Variants in NLGN4X observed in about 807,000 individuals in gnomAD.
NLGN4X encodes the protein neuroligin 4 X-linked, also known as neuroligin-4, X-linked.
In NLGN4X, 3 loss-of-function variants were observed where a neutral mutation model predicts 40.3. The observed-to-expected ratio is 0.07, with a 90% CI of 0.03 to 0.19. The LOEUF is 0.19. Among genes scored for constraint, NLGN4X ranks in the 10% least tolerant of loss-of-function variants. NLGN4X has a pLI of 1.00. For missense variants in NLGN4X, 382 were observed against 708.3 expected, an observed-to-expected ratio of 0.54 and a Z score of 5.23; for synonymous variants, 270 against 306.8, an observed-to-expected ratio of 0.88 and a Z score of 1.25.
chrX:6,224,779 G>T (rs1926004441), intron 1 of NLGN4X, among the ~76,000 whole-genome samples: 1 of 107,352 alleles, frequency 9.3e-6, no homozygotes, highest in Non-Finnish European at 1.9e-5. Flanking sequence ...CACTGGAGAA[G>T]AAAACATCAA....
chrX:5,969,104 T>C (rs751390378), intron 3 of NLGN4X, among the ~76,000 whole-genome samples: 7,294 of 109,817 alleles, frequency 0.066, 626 homozygotes, highest in African/African-American at 0.23. Context: ...ATTCAGGACA[T>C]AGGCATGGGC....
intron 2 of NLGN4X, among the ~76,000 whole-genome samples, chrX:6,145,254 C>T (rs1417965373): frequency 1.8e-5 from 2 of 111,536 alleles, no homozygotes; most frequent in Non-Finnish European, 3.8e-5. Context: ...AACTTTGTCC[C>T]TCACTGGTGG....
At chrX:6,106,250 A>T (rs886598717) in intron 2 of NLGN4X, among the ~76,000 whole-genome samples, 12 of 111,702 alleles carry the variant, frequency 1.1e-4, no homozygotes, top group Non-Finnish European at 2.3e-4. Flanking sequence ...TTCAAATTGT[A>T]GATAAGGGAC....
chrX:5,984,209 C>A (rs2035466497), intron 3 of NLGN4X, among the ~76,000 whole-genome samples: 1 of 110,258 alleles, frequency 9.1e-6, no homozygotes, highest in African/African-American at 3.3e-5. Context: ...TAAGAAGAAA[C>A]TAAAATTAAT....
intron 3 of NLGN4X, among the ~76,000 whole-genome samples, chrX:5,984,824 AAC>A (rs1453317313): frequency 3.6e-5 from 4 of 112,165 alleles, no homozygotes; most frequent in Non-Finnish European, 5.6e-5. Flanking sequence ...TAGCCATGCA[AAC>A]AGAGTTTCCA....
At chrX:6,143,447 T>C (rs1218837801) in intron 2 of NLGN4X, among the ~76,000 whole-genome samples, 2 of 111,774 alleles carry the variant, frequency 1.8e-5, no homozygotes, top group Non-Finnish European at 1.9e-5. Flanking sequence ...AGTAGGAAAA[T>C]AAGACATGTA....
chrX:5,985,839 G>C (rs1455482800), intron 3 of NLGN4X, among the ~76,000 whole-genome samples: 1 of 111,317 alleles, frequency 9.0e-6, no homozygotes, highest in Non-Finnish European at 1.9e-5. Context: ...CAAAACAAAG[G>C]TAATGTTAAC....
intron 3 of NLGN4X, among the ~76,000 whole-genome samples, chrX:5,925,360 C>T (rs1219337018): frequency 9.0e-6 from 1 of 111,574 alleles, no homozygotes; most frequent in Non-Finnish European, 1.9e-5. Flanking sequence ...ATATTGACAC[C>T]CTCTTTTCCA....
chrX:6,022,209 G>C (rs927981512), intron 3 of NLGN4X, among the ~76,000 whole-genome samples: 4 of 111,725 alleles, frequency 3.6e-5, no homozygotes, highest in Admixed American at 2.9e-4. Context: ...AAATCAAATC[G>C]GGGGAATCTG....
chrX:5,896,710 T>A (rs1320389695), intron 5 of NLGN4X, among the ~76,000 whole-genome samples: 1 of 112,182 alleles, frequency 8.9e-6, no homozygotes, highest in African/African-American at 3.2e-5. Context: ...TCTAAAAATA[T>A]CTGTGAATCC....
intron 2 of NLGN4X, among the ~76,000 whole-genome samples, chrX:6,046,429 T>G (rs1053560731): frequency 8.1e-5 from 9 of 111,414 alleles, no homozygotes; most frequent in Non-Finnish European, 1.5e-4. Flanking sequence ...TTGAATACAA[T>G]AAAGTCATTC....
intron 3 of NLGN4X, among the ~76,000 whole-genome samples, chrX:5,975,969 T>C (rs2035167214): frequency 9.0e-6 from 1 of 111,273 alleles, no homozygotes; most frequent in African/African-American, 3.3e-5. Flanking sequence ...CCCCACCTTT[T>C]CCTTTTGCCA....
chrX:6,140,513 C>T (rs187861895), intron 2 of NLGN4X, among the ~76,000 whole-genome samples: 64 of 109,139 alleles, frequency 5.9e-4, no homozygotes, highest in African/African-American at 2.1e-3. Context: ...AGACCACATA[C>T]CAATGCCTAC....
chrX:6,177,851 C>G (rs4826836), intron 1 of NLGN4X, among the ~76,000 whole-genome samples: 1 of 108,501 alleles, frequency 9.2e-6, no homozygotes, highest in African/African-American at 3.4e-5. Context: ...TATCAGGAGG[C>G]GAGGTCCTTG....
chrX:5,997,130 G>A (rs1477232056), intron 3 of NLGN4X, among the ~76,000 whole-genome samples: 1 of 108,889 alleles, frequency 9.2e-6, no homozygotes, highest in African/African-American at 3.3e-5. Flanking sequence ...GCTTTTTTGG[G>A]GGTGGGGTTG....
intron 1 of NLGN4X, among the ~76,000 whole-genome samples, chrX:6,152,023 T>C (rs1007340861): frequency 9.0e-6 from 1 of 111,470 alleles, no homozygotes; most frequent in African/African-American, 3.3e-5. Flanking sequence ...CTGTCATAGC[T>C]CACTGCAGCC....
chrX:5,983,143 T>C (rs1443890202), intron 3 of NLGN4X, among the ~76,000 whole-genome samples: 1 of 112,749 alleles, frequency 8.9e-6, no homozygotes, highest in East Asian at 2.8e-4. Flanking sequence ...AAATTCAGTC[T>C]TGCAAGTGCT....
At chrX:6,176,790 T>A (rs969304388) in intron 1 of NLGN4X, among the ~76,000 whole-genome samples, 1 of 111,803 alleles carries the variant, frequency 8.9e-6, no homozygotes, top group Non-Finnish European at 1.9e-5. Flanking sequence ...TTTAGCCTCC[T>A]AAGGCTCATT....
intron 2 of NLGN4X, among the ~76,000 whole-genome samples, chrX:6,068,054 G>A (rs1425541087): frequency 1.8e-5 from 2 of 111,800 alleles, no homozygotes; most frequent in Non-Finnish European, 3.8e-5. Flanking sequence ...TTTTAGGTGA[G>A]CACATAAAAT....
Sources: gnomAD v4.1 joint callset for allele counts (sites outside exome capture counted in the v4.1 genomes callset) on GRCh38, gnomAD v4.1.1 for gene constraint, MANE v1.5 for transcripts, NCBI Gene and HGNC (gene_info 2026-07-23, HGNC 2026-07-21) for gene names.